The following ARHGEF6 variants were observed in gnomAD, a reference collection of about 807,000 sequenced individuals.
ARHGEF6 encodes the protein rho guanine nucleotide exchange factor 6.
ARHGEF6 carries 9 observed loss-of-function variants against 70.3 expected under a neutral mutation model. The observed-to-expected ratio is 0.13, with a 90% CI of 0.08 to 0.22. The LOEUF is 0.22. Ranked by LOEUF, ARHGEF6 falls within the 10% of genes least tolerant of loss-of-function variation. ARHGEF6 has a pLI of 1.00. For missense variants in ARHGEF6, 470 were observed against 563.0 expected (o/e 0.83, Z 1.67); for synonymous variants, 201 against 207.8 (o/e 0.97, Z 0.28).
chrX:136,746,501 T>C (rs1368879837), intron 3 of ARHGEF6, among the ~76,000 whole-genome samples: 1 of 112,167 alleles, frequency 8.9e-6, no homozygotes, highest in Non-Finnish European at 1.9e-5. Context: ...GGCACTTGAT[T>C]ATATTGTCTG....
chrX:136,730,255 G>A (rs1401090531), intron 6 of ARHGEF6, among the ~76,000 whole-genome samples: 2 of 111,131 alleles, frequency 1.8e-5, no homozygotes, highest in East Asian at 5.6e-4. Flanking sequence ...CTTTTCATGT[G>A]AGTGAAATTG....
intron 11 of ARHGEF6, among the ~76,000 whole-genome samples, chrX:136,687,369 C>T (rs901723620): frequency 8.9e-5 from 10 of 112,125 alleles, no homozygotes; most frequent in Non-Finnish European, 1.9e-4. Context: ...TAAAATGGCA[C>T]CAAGTGGTTT....
chrX:136,714,174 T>C (rs1016597080), intron 6 of ARHGEF6, among the ~76,000 whole-genome samples: 8 of 111,902 alleles, frequency 7.1e-5, no homozygotes, highest in African/African-American at 2.6e-4. Flanking sequence ...TAGAATCCTA[T>C]AGGCAAAACA....
chrX:136,693,270 C>T (rs1476122931), intron 9 of ARHGEF6, among the ~76,000 whole-genome samples: 1 of 111,687 alleles, frequency 9.0e-6, no homozygotes, highest in African/African-American at 3.3e-5. Context: ...TATTTCAGTA[C>T]AACATGAGAT....
rs142357463 is a variant in ARHGEF6, at chrX:136,747,751, G to A, written c.250-159C>T. 1.9e-3 allele frequency among the ~76,000 whole-genome samples: 195 copies of A among 104,991 alleles called. 4 individuals are homozygous for A. In the East Asian group the frequency reaches 0.054, roughly 29 times the overall value. The allele number at this position is 104,991 out of a possible 115,157, so 91.2% of individuals were successfully genotyped here. A position where few individuals can be genotyped will look rare whatever the true frequency, so the allele number is the denominator to read the frequency against. On this transcript the variant is annotated intron_variant, in intron 2 of 21. Coordinates refer to ENST00000250617, the MANE Select transcript of ARHGEF6 (RefSeq NM_004840.3). Reference sequence around the variant, plus strand: ...ACCTCCATATACCTTTGGGAGAAATGAGAGCAGCAGTTGAGCCGCCTAATG... The same window carrying A: ...ACCTCCATATACCTTTGGGAGAAATAAGAGCAGCAGTTGAGCCGCCTAATG...
chrX:136,706,803 T>C, intron 9 of ARHGEF6, 105 bp downstream of exon 9: 1 of 1,002,182 alleles, frequency 1.0e-6, no homozygotes, highest in South Asian at 1.9e-5. Flanking sequence ...CCTGGCATCA[T>C]GAACAGGGAT....
chrX:136,676,618 A>C lies in ARHGEF6; in HGVS notation c.1945+6T>G. The stretch of plus-strand genomic sequence containing the variant: ...AAACAACTTTCAGAAAGTACAAAAC[A>C]CATACTTTTCCTAATCACATATTCC... On this transcript the variant is annotated splice_donor_region_variant and intron_variant, in intron 18 of 21. Transcript: ENST00000250617. 8.5e-7 allele frequency: 1 copy of C among 1,173,186 alleles called. No individual in the cohort carries two copies. The highest frequency in any genetic ancestry group is 1.2e-6 in the Non-Finnish European group (1 of 860,369).
chrX:136,735,504 C>G (rs765971721), intron 5 of ARHGEF6, among the ~76,000 whole-genome samples: 2 of 111,027 alleles, frequency 1.8e-5, no homozygotes, highest in Non-Finnish European at 3.8e-5. Flanking sequence ...CTAACTAGAA[C>G]GAACATGAAA....
intron 9 of ARHGEF6, 22 bp from the exon 10 acceptor site, chrX:136,690,770 T>C (rs1294516743): frequency 3.3e-6 from 4 of 1,196,195 alleles, no homozygotes; most frequent in Non-Finnish European, 4.5e-6. Flanking sequence ...ACAAATATAA[T>C]TTTGTTACTG....
intron 8 of ARHGEF6, 34 bp downstream of exon 8, chrX:136,708,641 G>T (rs757342347): frequency 8.9e-7 from 1 of 1,118,623 alleles, no homozygotes; most frequent in South Asian, 1.8e-5. Flanking sequence ...CAGCAATGTT[G>T]CTGGCTATCC....
At chrX:136,752,720 G>C (rs2077165452) in intron 2 of ARHGEF6, among the ~76,000 whole-genome samples, 1 of 112,334 alleles carries the variant, frequency 8.9e-6, no homozygotes, top group African/African-American at 3.2e-5. Flanking sequence ...CAACTGAAAA[G>C]CAAGTGATAC....
intron 12 of ARHGEF6, among the ~76,000 whole-genome samples, chrX:136,683,065 C>G (rs2076349227): frequency 8.9e-6 from 1 of 111,800 alleles, no homozygotes; most frequent in Non-Finnish European, 1.9e-5. Context: ...TCTTCTTATA[C>G]ATAACAATTA....
At chrX:136,679,746 T>C (rs1263274425) in intron 15 of ARHGEF6, 86 bp from the exon 16 acceptor site, 1 of 1,118,301 alleles carries the variant, frequency 8.9e-7, no homozygotes, top group Non-Finnish European at 1.2e-6. Context: ...AATAGCTTCA[T>C]TGGATTAGCA....
At position 136,710,802 on chromosome X, in the gene ARHGEF6, A is replaced by G. The variant is rs760195768; in HGVS notation, c.828-2032T>C. On this transcript the variant is annotated intron_variant, in intron 7 of 21. Coordinates refer to ENST00000250617, the MANE Select transcript of ARHGEF6 (RefSeq NM_004840.3). ...CTTTTCCAAGGAACTCAAACAAACC[A>G]GTAAGAAAAAAAAACAAATAATCCC... Among the ~76,000 whole-genome samples the G allele has an allele frequency of 5.4e-5, 6 of 111,282 alleles. No homozygotes were observed. In the South Asian group the frequency reaches 2.3e-3, roughly 42 times the overall value.
Position 136,708,730 on chromosome X carries a change from C to T in ARHGEF6, c.868G>A (p.Glu290Lys), listed in dbSNP as rs776248155. ...GTCTGTTGAAATGTGCATACTTCCTCGAAGTTTCCCAGTAAAGATGTAACC... is the reference window on the plus strand; with the variant it reads ...GTCTGTTGAAATGTGCATACTTCCTTGAAGTTTCCCAGTAAAGATGTAACC... The part of the protein sequence containing the change: ...VEVTSLLGNF[E>K]EVCTFQQTLC... Residue 290 changes from glutamate to lysine, a missense_variant, in exon 8 of 22, where the codon GAG becomes AAG. Transcript: ENST00000250617. The T allele has an allele frequency of 8.3e-6, 10 of 1,203,180 alleles. No homozygotes were observed. Among genetic ancestry groups the T allele is most frequent in the African/African-American group, 7.0e-5 (4 of 56,902 alleles).
intron 18 of ARHGEF6, among the ~76,000 whole-genome samples, chrX:136,675,843 G>A (rs1397117714): frequency 9.1e-6 from 1 of 110,256 alleles, no homozygotes; most frequent in Non-Finnish European, 1.9e-5. Context: ...TTTCTAACCA[G>A]TCAGCATAGT....
intron 21 of ARHGEF6, among the ~76,000 whole-genome samples, chrX:136,668,548 A>C (rs867483895): frequency 1.9e-5 from 2 of 105,158 alleles, no homozygotes; most frequent in African/African-American, 7.0e-5. Context: ...TATTATTATT[A>C]TTATTATTAT....
At chrX:136,696,931 T>G (rs2076518582) in intron 9 of ARHGEF6, among the ~76,000 whole-genome samples, 1 of 110,889 alleles carries the variant, frequency 9.0e-6, no homozygotes, top group African/African-American at 3.3e-5. Context: ...CCTTCAACTC[T>G]GTGTAAAAGA....
At chrX:136,732,068 C>T (rs1764777452) in intron 6 of ARHGEF6, 34 bp downstream of exon 6, 2 of 1,128,549 alleles carry the variant, frequency 1.8e-6, no homozygotes, top group African/African-American at 3.6e-5. Flanking sequence ...CATATAGAGT[C>T]AAGAAAATTT....
Sources: gnomAD v4.1 joint callset for allele counts (sites outside exome capture counted in the v4.1 genomes callset) on GRCh38, gnomAD v4.1.1 for gene constraint, MANE v1.5 for transcripts, NCBI Gene and HGNC (gene_info 2026-07-23, HGNC 2026-07-21) for gene names.